The following SLC41A2 variants were observed in gnomAD, a reference collection of about 807,000 sequenced individuals.
SLC41A2 encodes the protein SLC41A1-like 1.
SLC41A2 carries 32 observed loss-of-function variants against 58.3 expected under a neutral mutation model. The ratio of observed to expected loss-of-function variants is 0.55; its 90% CI spans 0.41 to 0.74. The LOEUF is 0.74. Among genes scored for constraint, SLC41A2 ranks in the 30% least tolerant of loss-of-function variants. The pLI is 0.00. For synonymous variants in SLC41A2, 190 were observed against 235.0 expected, an observed-to-expected ratio of 0.81 and a Z score of 1.75; for missense variants, 514 against 680.6, an observed-to-expected ratio of 0.76 and a Z score of 2.72.
intron 10 of SLC41A2, among the ~76,000 whole-genome samples, chr12:104,823,610 C>T (rs2041726953): frequency 1.3e-5 from 2 of 151,994 alleles, no homozygotes; most frequent in South Asian, 2.1e-4. Context: ...TTATCATATA[C>T]CATACACAAA....
At chr12:104,901,974 A>G (rs566570370) in intron 3 of SLC41A2, among the ~76,000 whole-genome samples, 3 of 152,202 alleles carry the variant, frequency 2.0e-5, no homozygotes, top group Admixed American at 6.5e-5. Flanking sequence ...TCTCCCTCAG[A>G]TAATCATAAA....
intron 6 of SLC41A2, among the ~76,000 whole-genome samples, chr12:104,872,753 T>C (rs2043849932): frequency 6.6e-6 from 1 of 151,948 alleles, no homozygotes; most frequent in African/African-American, 2.4e-5. Context: ...AAAAGAAAAG[T>C]AGCACACATT....
chr12:104,854,730 G>A (rs2042961384), intron 8 of SLC41A2, among the ~76,000 whole-genome samples: 1 of 152,082 alleles, frequency 6.6e-6, no homozygotes, highest in Non-Finnish European at 1.5e-5. Flanking sequence ...ACCCTAGGGT[G>A]CCATCCAAAT....
chr12:104,906,796 T>C (rs2045873688), intron 3 of SLC41A2, among the ~76,000 whole-genome samples: 1 of 152,192 alleles, frequency 6.6e-6, no homozygotes, highest in African/African-American at 2.4e-5. Context: ...CTGTCTAGAA[T>C]GCTTATAAAT....
chr12:104,951,406 C>G (rs1310787876), intron 1 of SLC41A2: 1 of 151,994 alleles, frequency 6.6e-6, no homozygotes, highest in Non-Finnish European at 1.5e-5. Flanking sequence ...ATACATAAAC[C>G]CTAACTTAAA....
intron 10 of SLC41A2, among the ~76,000 whole-genome samples, chr12:104,840,957 A>AC (rs1381936829): frequency 2.0e-5 from 3 of 152,160 alleles, no homozygotes; most frequent in Non-Finnish European, 4.4e-5. Flanking sequence ...GAGATGATAT[A>AC]CTCTGAAAAA....
chr12:104,948,710 C>T (rs982953895), intron 1 of SLC41A2, among the ~76,000 whole-genome samples: 1 of 152,210 alleles, frequency 6.6e-6, no homozygotes, highest in African/African-American at 2.4e-5. Flanking sequence ...CGCCAGTGTA[C>T]ACAGCCATGG....
chr12:104,827,642 G>GT (rs199895308), intron 10 of SLC41A2, among the ~76,000 whole-genome samples: 2,793 of 151,936 alleles, frequency 0.018, 104 homozygotes, highest in African/African-American at 0.063. Context: ...TATAAAACTT[G>GT]TTTTTTTTCT....
intron 10 of SLC41A2, among the ~76,000 whole-genome samples, chr12:104,825,403 T>G (rs917518230): frequency 2.0e-5 from 3 of 152,184 alleles, no homozygotes; most frequent in African/African-American, 7.2e-5. Flanking sequence ...ATGGAACATT[T>G]CTCCTTTGGC....
chr12:104,815,790 A>C (rs1471861399), intron 10 of SLC41A2, among the ~76,000 whole-genome samples: 3 of 151,732 alleles, frequency 2.0e-5, no homozygotes, highest in African/African-American at 7.3e-5. Flanking sequence ...AAATCTAATA[A>C]ATATTTAAAT....
At chr12:104,907,703 G>A (rs2045913630) in intron 3 of SLC41A2, among the ~76,000 whole-genome samples, 2 of 152,118 alleles carry the variant, frequency 1.3e-5, no homozygotes, top group African/African-American at 4.8e-5. Context: ...TCCACTATAT[G>A]TAGAGCTGTG....
Position 104,804,606 on chromosome 12 carries a change from T to TTTATC in SLC41A2, c.*541_*545dup, listed in dbSNP as rs2040826913. 6.6e-6 allele frequency: 1 copy of TTTATC among 152,240 alleles called. No individual in the cohort carries two copies. Among genetic ancestry groups the TTTATC allele is most frequent in the Admixed American group, 6.5e-5 (1 of 15,270 alleles). The allele number at this position is 152,240 out of a possible 1,614,324, so 9.4% of individuals were successfully genotyped here. Reference sequence around the variant, plus strand: ...AATTTTAGATGGAGGTAAAAGTGAGTTTATCTTATGCTCAGCAAAACATAT... The same window carrying TTTATC: ...AATTTTAGATGGAGGTAAAAGTGAGTTTATCTTATCTTATGCTCAGCAAAACATAT... On this transcript the variant is annotated 3_prime_UTR_variant, in exon 11 of 11. Transcript: ENST00000258538.
At chr12:104,842,327 T>C (rs1288538522) in intron 10 of SLC41A2, among the ~76,000 whole-genome samples, 2 of 152,030 alleles carry the variant, frequency 1.3e-5, no homozygotes, top group East Asian at 3.8e-4. Context: ...TAATGCACAA[T>C]GTCAGGCTGC....
intron 8 of SLC41A2, among the ~76,000 whole-genome samples, chr12:104,850,922 T>C (rs1342480320): frequency 6.6e-6 from 1 of 152,332 alleles, no homozygotes; most frequent in South Asian, 2.1e-4. Context: ...TTAAGGCACA[T>C]AAATGCAGAG....
At chr12:104,868,187 G>A (rs1173909786) in intron 6 of SLC41A2, among the ~76,000 whole-genome samples, 8 of 152,088 alleles carry the variant, frequency 5.3e-5, no homozygotes, top group African/African-American at 1.9e-4. Context: ...TAAGCCAACA[G>A]ATAAGGATAA....
At chr12:104,808,839 T>C (rs2041046126) in intron 10 of SLC41A2, among the ~76,000 whole-genome samples, 1 of 152,262 alleles carries the variant, frequency 6.6e-6, no homozygotes, top group African/African-American at 2.4e-5. Flanking sequence ...TTCTAGATTT[T>C]CTAGTTTATT....
intron 8 of SLC41A2, among the ~76,000 whole-genome samples, chr12:104,849,412 A>G (rs2136353920): frequency 6.6e-6 from 1 of 152,372 alleles, no homozygotes; most frequent in South Asian, 2.1e-4. Context: ...CAGATTGGCA[A>G]ACCTTTTAGC....
Position 104,890,607 on chromosome 12 carries a change from A to G in SLC41A2, c.736-1430T>C, listed in dbSNP as rs58329547. ...AAGTCCTATTCTGGAAATATGCAAA[A>G]TAATGACTAACTGAAAAATGACTAA... On this transcript the variant is annotated intron_variant, in intron 4 of 10. Coordinates refer to ENST00000258538, the MANE Select transcript of SLC41A2 (RefSeq NM_001352171.3). Among the ~76,000 whole-genome samples, 151 of 152,292 alleles carry G rather than the reference A, an allele frequency of 9.9e-4. 1 individual carries two copies. The highest frequency in any genetic ancestry group is 3.3e-3 in the African/African-American group (138 of 41,576).
intron 6 of SLC41A2, among the ~76,000 whole-genome samples, chr12:104,884,587 C>A: frequency 6.6e-6 from 1 of 152,170 alleles, no homozygotes; most frequent in East Asian, 1.9e-4. Flanking sequence ...AATTTCTGTC[C>A]TTTTAATGAT....
Sources: gnomAD v4.1 joint callset for allele counts (sites outside exome capture counted in the v4.1 genomes callset) on GRCh38, gnomAD v4.1.1 for gene constraint, MANE v1.5 for transcripts, NCBI Gene and HGNC (gene_info 2026-07-23, HGNC 2026-07-21) for gene names.